IL15: variants seen among roughly 807,000 people sequenced by gnomAD.
IL15 encodes interleukin 15, also known as interleukin-15.
In IL15, 11 loss-of-function variants were observed where a neutral mutation model predicts 19.6. That is an observed-to-expected ratio of 0.56 (90% CI 0.35 to 0.93). The LOEUF is 0.93. Ranked by LOEUF, IL15 falls within the 40% of genes least tolerant of loss-of-function variation. The pLI is 0.01. For missense variants in IL15, 197 were observed against 186.5 expected (o/e 1.06, Z -0.33); for synonymous variants, 58 against 59.6 (o/e 0.97, Z 0.12).
intron 2 of IL15, among the ~76,000 whole-genome samples, chr4:141,691,755 A>G (rs1050935956): frequency 2.0e-5 from 3 of 152,204 alleles, no homozygotes; most frequent in African/African-American, 4.8e-5. Flanking sequence ...GGTCTGCAGC[A>G]TACAGTCCCT....
At position 141,719,438 on chromosome 4, in the gene IL15, C is replaced by T. The variant is rs767424620; in HGVS notation, c.-27C>T. The T allele has an allele frequency of 3.5e-6, 3 of 867,360 alleles. No homozygotes were observed. The highest frequency in any genetic ancestry group is 5.9e-6 in the Non-Finnish European group (3 of 505,338). 53.7% of individuals were successfully genotyped at this position (867,360 alleles called of 1,614,324 possible). A position where few individuals can be genotyped will look rare whatever the true frequency, so the allele number is the denominator to read the frequency against. On this transcript the variant is annotated 5_prime_UTR_variant, in exon 3 of 8. Coordinates refer to ENST00000320650, the MANE Select transcript of IL15 (RefSeq NM_000585.5). ...TGCCATAGCCAGCTCTTCTTCAATA[C>T]TTAAGGATTTACCGTGGCTTTGAGT...
intron 2 of IL15, among the ~76,000 whole-genome samples, chr4:141,670,905 TAAAAC>T (rs1474388058): frequency 6.6e-6 from 1 of 152,160 alleles, no homozygotes; most frequent in Non-Finnish European, 1.5e-5. Context: ...GAAAAATAGC[TAAAAC>T]AACTAGTATG....
intron 2 of IL15, among the ~76,000 whole-genome samples, chr4:141,677,115 CAA>C (rs529906343): frequency 2.6e-4 from 40 of 152,102 alleles, no homozygotes; most frequent in Non-Finnish European, 5.1e-4. Context: ...AATAAAGAAG[CAA>C]AAGAGTCAGA....
At chr4:141,655,377 A>C (rs968377518) in intron 1 of IL15, among the ~76,000 whole-genome samples, 29 of 144,472 alleles carry the variant, frequency 2.0e-4, no homozygotes, top group African/African-American at 6.4e-4. Flanking sequence ...AAGCAAAAAG[A>C]AAAAAAAAAA....
intron 5 of IL15, among the ~76,000 whole-genome samples, chr4:141,722,381 A>T (rs1028612680): frequency 6.6e-6 from 1 of 152,078 alleles, no homozygotes; most frequent in Non-Finnish European, 1.5e-5. Context: ...AGGTGGCCTG[A>T]CCTAAGGAAG....
chr4:141,720,116 G>C (rs940864055), intron 3 of IL15, among the ~76,000 whole-genome samples: 2 of 151,746 alleles, frequency 1.3e-5, no homozygotes, highest in African/African-American at 4.8e-5. Flanking sequence ...AAAATATTTT[G>C]ACCTATTAAA....
chr4:141,678,764 G>A (rs1264648293), intron 2 of IL15, among the ~76,000 whole-genome samples: 1 of 152,004 alleles, frequency 6.6e-6, no homozygotes, highest in Non-Finnish European at 1.5e-5. Context: ...ACCACACCCG[G>A]CTAATTTTTG....
chr4:141,648,277 G>A (rs931288279), intron 1 of IL15, among the ~76,000 whole-genome samples: 1 of 152,018 alleles, frequency 6.6e-6, no homozygotes, highest in Non-Finnish European at 1.5e-5. Flanking sequence ...TTAGGAGTAT[G>A]AGTTTTAGAG....
chr4:141,699,748 A>G (rs1729221908), intron 2 of IL15, among the ~76,000 whole-genome samples: 1 of 152,152 alleles, frequency 6.6e-6, no homozygotes, highest in Non-Finnish European at 1.5e-5. Context: ...TGAAGACAAC[A>G]GATATTTGGT....
intron 7 of IL15, among the ~76,000 whole-genome samples, chr4:141,731,749 C>T (rs1164295932): frequency 1.3e-5 from 2 of 152,180 alleles, no homozygotes; most frequent in Admixed American, 6.5e-5. Context: ...CAGTGCTTGG[C>T]ATAGAGGATG....
chr4:141,728,440 A>T (rs1172330441), intron 6 of IL15, among the ~76,000 whole-genome samples: 1 of 152,118 alleles, frequency 6.6e-6, no homozygotes, highest in South Asian at 2.1e-4. Flanking sequence ...TCAGAAAAAG[A>T]TTCTAATTAT....
chr4:141,648,871 C>T (rs1351466244), intron 1 of IL15, among the ~76,000 whole-genome samples: 2 of 152,094 alleles, frequency 1.3e-5, no homozygotes, highest in African/African-American at 2.4e-5. Flanking sequence ...AAGAGGCTAA[C>T]AGCACACCAA....
chr4:141,655,604 T>TA (rs533345089), intron 1 of IL15, among the ~76,000 whole-genome samples: 132 of 152,240 alleles, frequency 8.7e-4, no homozygotes, highest in African/African-American at 2.6e-3. Context: ...ATTACCCTTA[T>TA]AAAAAAACAT....
At chr4:141,726,979 T>G (rs1280438619) in intron 5 of IL15, among the ~76,000 whole-genome samples, 2 of 152,140 alleles carry the variant, frequency 1.3e-5, no homozygotes, top group Non-Finnish European at 2.9e-5. Flanking sequence ...TCACACTGTA[T>G]GATCCCAACT....
intron 2 of IL15, among the ~76,000 whole-genome samples, chr4:141,710,927 C>T (rs988823785): frequency 2.0e-5 from 3 of 152,054 alleles, no homozygotes; most frequent in Non-Finnish European, 4.4e-5. Flanking sequence ...CCATTTCCCC[C>T]AGGGAGAGTA....
intron 2 of IL15, among the ~76,000 whole-genome samples, chr4:141,699,512 T>G (rs936172380): frequency 2.0e-5 from 3 of 152,146 alleles, no homozygotes; most frequent in Non-Finnish European, 2.9e-5. Context: ...GGGAGCTCCA[T>G]TGTTAGGTGC....
chr4:141,676,001 A>G (rs1457785673), intron 2 of IL15, among the ~76,000 whole-genome samples: 1 of 152,172 alleles, frequency 6.6e-6, no homozygotes, highest in African/African-American at 2.4e-5. Context: ...AAAAGTGTCT[A>G]CTCTGGGGAA....
At chr4:141,648,464 G>A (rs368499085) in intron 1 of IL15, among the ~76,000 whole-genome samples, 94 of 152,002 alleles carry the variant, frequency 6.2e-4, no homozygotes, top group African/African-American at 1.8e-3. Flanking sequence ...TTTATTTGCC[G>A]AGTATTTTGA....
intron 5 of IL15, among the ~76,000 whole-genome samples, chr4:141,723,105 C>A (rs1730144364): frequency 6.6e-6 from 1 of 152,012 alleles, no homozygotes; most frequent in South Asian, 2.1e-4. Context: ...AAAACACCAC[C>A]CATCTATACT....
Sources: allele counts gnomAD v4.1 joint callset (sites outside exome capture counted in the v4.1 genomes callset), GRCh38; gene constraint gnomAD v4.1.1; transcripts MANE v1.5; gene names NCBI Gene and HGNC (gene_info 2026-07-23, HGNC 2026-07-21).